Variants in PCDH15 observed in about 807,000 individuals in gnomAD.
PCDH15 encodes the protein protocadherin related 15, also known as protocadherin-15.
Under a neutral mutation model 178.5 loss-of-function variants are expected in PCDH15, and 129 were observed. The observed-to-expected ratio is 0.72, with a 90% confidence interval of 0.63 to 0.84. The LOEUF (loss-of-function observed/expected upper bound fraction) is 0.84, where lower values mean the gene tolerates loss of function less well. Among genes scored for constraint, PCDH15 ranks in the 40% least tolerant of loss-of-function variants. PCDH15 has a pLI of 0.00. For missense variants in PCDH15, 2,230 were observed against 2,099.9 expected (o/e 1.06, Z -1.21); for synonymous variants, 800 against 732.0 (o/e 1.09, Z -1.50).
At chr10:55,363,146 T>C (rs550774229) in intron 2 of PCDH15, among the ~76,000 whole-genome samples, 6 of 152,180 alleles carry the variant, frequency 3.9e-5, no homozygotes, top group Non-Finnish European at 7.3e-5. Flanking sequence ...TCACTCAGCA[T>C]AATTTCCTAG....
At chr10:54,567,637 G>T (rs2089236464) in intron 2 of PCDH15, among the ~76,000 whole-genome samples, 1 of 152,104 alleles carries the variant, frequency 6.6e-6, no homozygotes, top group African/African-American at 2.4e-5. Context: ...AATAGTTCAA[G>T]ATCTCTATGC....
chr10:54,189,918 C>CGTGTGT (rs1564637171), intron 11 of PCDH15, among the ~76,000 whole-genome samples: 1 of 81,968 alleles, frequency 1.2e-5, no homozygotes, highest in Admixed American at 1.5e-4. Flanking sequence ...TGTATACATG[C>CGTGTGT]ATGTGTATGT....
chr10:53,941,036 G>A lies in PCDH15; in HGVS notation c.3123-61C>T, dbSNP rs181241153. 798 of 1,187,690 alleles carry A rather than the reference G, an allele frequency of 6.7e-4. 6 individuals are homozygous for A. In the African/African-American group the frequency reaches 0.01, roughly 15 times the overall value. The allele number at this position is 1,187,690 out of a possible 1,614,324, so 73.6% of individuals were successfully genotyped here. ...AATATAATTTTTGATGTAACTTTAC[G>A]TTCACAGAAAAATTGAGAGAAAGAT... On this transcript the variant is annotated intron_variant, in intron 23 of 37. Coordinates refer to ENST00000644397, the MANE Select transcript of PCDH15 (RefSeq NM_001384140.1).
chr10:55,089,632 G>A (rs1175218210), intron 2 of PCDH15, among the ~76,000 whole-genome samples: 1 of 152,038 alleles, frequency 6.6e-6, no homozygotes, highest in Non-Finnish European at 1.5e-5. Flanking sequence ...CAAATTGAAA[G>A]CAACTGGGAT....
intron 9 of PCDH15, among the ~76,000 whole-genome samples, chr10:54,229,320 C>CA (rs1470514657): frequency 4.6e-5 from 7 of 152,060 alleles, no homozygotes; most frequent in Non-Finnish European, 8.8e-5. Context: ...GATATATGAA[C>CA]ATTGAAAATT....
chr10:54,655,256 A>AAGAGAGAG (rs1173377441), intron 2 of PCDH15, among the ~76,000 whole-genome samples: 1,335 of 48,596 alleles, frequency 0.027, 82 homozygotes, highest in East Asian at 0.051. Context: ...GAAAGAAAGA[A>AAGAGAGAG]AGAGAGAGAG....
intron 25 of PCDH15, among the ~76,000 whole-genome samples, chr10:53,909,219 G>C (rs2082894253): frequency 6.6e-6 from 1 of 152,050 alleles, no homozygotes. Context: ...CTGCTGCCTT[G>C]TGAAGAAGGT....
At chr10:53,900,079 C>A (rs953124789) in intron 26 of PCDH15, among the ~76,000 whole-genome samples, 5 of 152,100 alleles carry the variant, frequency 3.3e-5, no homozygotes, top group African/African-American at 9.7e-5. Context: ...TCCAGGAAAC[C>A]TTTATGTTCA....
chr10:55,506,502 A>T (rs1313047133), intron 2 of PCDH15, among the ~76,000 whole-genome samples: 2 of 151,550 alleles, frequency 1.3e-5, no homozygotes, highest in Non-Finnish European at 3.0e-5. Context: ...CTACATAAGA[A>T]AGTGTATTTG....
At chr10:55,546,981 G>T (rs750386344) in intron 2 of PCDH15, among the ~76,000 whole-genome samples, 13 of 151,928 alleles carry the variant, frequency 8.6e-5, no homozygotes, top group Non-Finnish European at 1.3e-4. Flanking sequence ...AATAGGAAAA[G>T]AATCCGAAAG....
At chr10:55,471,468 A>C (rs2132107366) in intron 2 of PCDH15, among the ~76,000 whole-genome samples, 1 of 152,340 alleles carries the variant, frequency 6.6e-6, no homozygotes, top group African/African-American at 2.4e-5. Flanking sequence ...GTTCATGTTC[A>C]CATTAATTGT....
chr10:55,142,913 G>A (rs757604001), intron 2 of PCDH15, among the ~76,000 whole-genome samples: 1 of 152,088 alleles, frequency 6.6e-6, no homozygotes, highest in Admixed American at 6.6e-5. Context: ...TTGGCTCTGC[G>A]TCCCTACCCA....
At chr10:53,946,799 A>G (rs2086611070) in intron 23 of PCDH15, among the ~76,000 whole-genome samples, 1 of 152,226 alleles carries the variant, frequency 6.6e-6, no homozygotes, top group South Asian at 2.1e-4. Flanking sequence ...TTTTGTTTAG[A>G]CGGAGTCTCG....
rs1182726544 is a variant in PCDH15, at chr10:53,803,298, G to C, written c.*3281C>G. On this transcript the variant is annotated 3_prime_UTR_variant, in exon 38 of 38. Transcript: ENST00000644397. ...ATATAAATCCCACTTAAGGTATAAAGTGCAGAAGGTGAAGCAGAGAAAGAG... is the reference window on the plus strand; with the variant it reads ...ATATAAATCCCACTTAAGGTATAAACTGCAGAAGGTGAAGCAGAGAAAGAG... 4.0e-5 allele frequency: 6 copies of C among 151,882 alleles called. No individual in the cohort carries two copies. Among genetic ancestry groups the C allele is most frequent in the Admixed American group, 6.6e-5 (1 of 15,216 alleles). 9.4% of individuals were successfully genotyped at this position (151,882 alleles called of 1,614,324 possible). A position where few individuals can be genotyped will look rare whatever the true frequency, so the allele number is the denominator to read the frequency against.
chr10:54,187,788 A>T (rs1341056680), intron 11 of PCDH15, among the ~76,000 whole-genome samples: 1 of 151,864 alleles, frequency 6.6e-6, no homozygotes, highest in Non-Finnish European at 1.5e-5. Context: ...TATTTAAAAT[A>T]ATAATCTTGT....
chr10:53,914,259 A>G (rs571708605), intron 25 of PCDH15, among the ~76,000 whole-genome samples: 74 of 152,302 alleles, frequency 4.9e-4, no homozygotes, highest in South Asian at 3.7e-3. Context: ...CAATCCCATC[A>G]CTGGATATAT....
chr10:55,516,351 C>T (rs1057051224), intron 2 of PCDH15, among the ~76,000 whole-genome samples: 1 of 152,132 alleles, frequency 6.6e-6, no homozygotes, highest in Admixed American at 6.6e-5. Context: ...GCCTCCCAAG[C>T]CACGTGTAAC....
intron 2 of PCDH15, among the ~76,000 whole-genome samples, chr10:55,344,577 C>T (rs1844692164): frequency 6.6e-6 from 1 of 151,980 alleles, no homozygotes; most frequent in Non-Finnish European, 1.5e-5. Flanking sequence ...GACTGTTGGT[C>T]CACGCAACTA....
At chr10:54,972,640 G>A (rs1024082059) in intron 2 of PCDH15, among the ~76,000 whole-genome samples, 4 of 151,942 alleles carry the variant, frequency 2.6e-5, no homozygotes, top group Non-Finnish European at 5.9e-5. Context: ...ACGAGGTCAG[G>A]AGATCGAAAC....
Sources: allele counts gnomAD v4.1 joint callset (sites outside exome capture counted in the v4.1 genomes callset), GRCh38; gene constraint gnomAD v4.1.1; transcripts MANE v1.5; gene names NCBI Gene and HGNC (gene_info 2026-07-23, HGNC 2026-07-21).